The following NCAM2 variants were observed in gnomAD, a reference collection of about 807,000 sequenced individuals.
The protein encoded by NCAM2 is neural cell adhesion molecule 2.
A neutral mutation model predicts 98.1 loss-of-function variants in NCAM2; 30 were observed. The ratio of observed to expected loss-of-function variants is 0.31; its 90% CI spans 0.23 to 0.41. The LOEUF is 0.41. Ranked by LOEUF, NCAM2 falls within the 10% of genes least tolerant of loss-of-function variation. NCAM2 has a pLI of 1.00. For synonymous variants in NCAM2, 368 were observed against 342.4 expected (o/e 1.07, Z -0.83); for missense variants, 867 against 1,005.8 (o/e 0.86, Z 1.87).
intron 1 of NCAM2, among the ~76,000 whole-genome samples, chr21:21,183,238 G>T (rs1396191230): frequency 1.3e-5 from 2 of 152,064 alleles, no homozygotes; most frequent in Non-Finnish European, 2.9e-5. Context: ...GGACAACAAG[G>T]TTAAAAAATT....
intron 12 of NCAM2, among the ~76,000 whole-genome samples, chr21:21,462,225 T>A (rs549044972): frequency 6.6e-6 from 1 of 152,144 alleles, no homozygotes; most frequent in South Asian, 2.1e-4. Flanking sequence ...TATGAACAGT[T>A]CCATTGGGGT....
chr21:21,059,891 C>G (rs188632912), intron 1 of NCAM2, among the ~76,000 whole-genome samples: 1 of 152,006 alleles, frequency 6.6e-6, no homozygotes, highest in Non-Finnish European at 1.5e-5. Flanking sequence ...TTAATAGTGT[C>G]CAGACAGAGA....
intron 16 of NCAM2, among the ~76,000 whole-genome samples, chr21:21,523,866 CA>C (rs1258720145): frequency 4.0e-5 from 6 of 151,366 alleles, no homozygotes; most frequent in African/African-American, 1.5e-4. Context: ...TAGTGAAAGA[CA>C]AAAACTGAAA....
intron 6 of NCAM2, among the ~76,000 whole-genome samples, chr21:21,334,943 C>A (rs1434753525): frequency 6.6e-6 from 1 of 151,976 alleles, no homozygotes; most frequent in Non-Finnish European, 1.5e-5. Context: ...ATAAAATTAT[C>A]ACATTCAAAA....
chr21:21,216,568 C>G (rs1042166988), intron 1 of NCAM2, among the ~76,000 whole-genome samples: 1 of 152,174 alleles, frequency 6.6e-6, no homozygotes, highest in Non-Finnish European at 1.5e-5. Flanking sequence ...ACAGCTTGCC[C>G]CAGTAGCATT....
chr21:21,503,281 G>A (rs545793762), intron 15 of NCAM2, among the ~76,000 whole-genome samples: 1 of 151,758 alleles, frequency 6.6e-6, no homozygotes, highest in South Asian at 2.1e-4. Flanking sequence ...TATTAAAATA[G>A]AACAATTACA....
chr21:21,076,239 T>C (rs2065680053), intron 1 of NCAM2, among the ~76,000 whole-genome samples: 1 of 152,182 alleles, frequency 6.6e-6, no homozygotes, highest in Admixed American at 6.5e-5. Flanking sequence ...ATGGGATTTG[T>C]TTAAGCTGAC....
At chr21:21,146,928 C>T (rs189516984) in intron 1 of NCAM2, among the ~76,000 whole-genome samples, 2 of 134,466 alleles carry the variant, frequency 1.5e-5, no homozygotes, top group African/African-American at 5.8e-5. Flanking sequence ...GAACTCATAC[C>T]GCTGCCTTCT....
At chr21:21,255,098 T>C (rs2071619414) in intron 1 of NCAM2, among the ~76,000 whole-genome samples, 1 of 152,162 alleles carries the variant, frequency 6.6e-6, no homozygotes, top group Non-Finnish European at 1.5e-5. Flanking sequence ...ATTAACAATT[T>C]GGGAAGGGCA....
Position 21,284,243 on chromosome 21 carries a change from G to T in NCAM2, c.180G>T (p.Lys60Asn). ...SIDWYNPQGEKIISTQRVVVQ... is the reference protein window; with the variant it reads ...SIDWYNPQGENIISTQRVVVQ... Reference sequence around the variant, plus strand: ...ATTGGTATAATCCTCAAGGAGAGAAGATAATTTCAACACAGAGGGTAGTAG... The same window carrying T: ...ATTGGTATAATCCTCAAGGAGAGAATATAATTTCAACACAGAGGGTAGTAG... The change falls in exon 3 of 18, where the codon AAG becomes AAT. Residue 60 changes from lysine (K) to asparagine (N), a missense_variant. Lys to Asn is a moderately conservative substitution (Grantham distance 94). Around this residue, in one of 5 missense-constraint regions of NCAM2, gnomAD observed 447 missense variants for 495.7 expected, o/e 0.90. Coordinates refer to ENST00000400546, the MANE Select transcript of NCAM2 (RefSeq NM_004540.5). 1 of 1,612,722 alleles carries T rather than the reference G, an allele frequency of 6.2e-7. No individual in the cohort carries two copies. The highest frequency in any genetic ancestry group is 1.1e-5 in the South Asian group (1 of 91,054).
intron 15 of NCAM2, among the ~76,000 whole-genome samples, chr21:21,484,039 A>C (rs994009870): frequency 2.0e-5 from 3 of 152,242 alleles, no homozygotes; most frequent in African/African-American, 7.2e-5. Context: ...AGATCATATT[A>C]AAAGTAGCAC....
chr21:21,425,761 A>G (rs1020048134), intron 11 of NCAM2, among the ~76,000 whole-genome samples: 4 of 152,226 alleles, frequency 2.6e-5, no homozygotes, highest in Admixed American at 6.5e-5. Flanking sequence ...GGATTTGGCA[A>G]TTGGTAAAAA....
At chr21:21,047,519 A>C (rs1204271032) in intron 1 of NCAM2, among the ~76,000 whole-genome samples, 3 of 152,220 alleles carry the variant, frequency 2.0e-5, no homozygotes, top group Admixed American at 2.0e-4. Flanking sequence ...CAACTTGATG[A>C]GACTTAAGGA....
intron 5 of NCAM2, among the ~76,000 whole-genome samples, chr21:21,316,819 C>T (rs1010701318): frequency 1.3e-5 from 2 of 152,144 alleles, no homozygotes; most frequent in Non-Finnish European, 2.9e-5. Flanking sequence ...GCTGGGATTA[C>T]AGGCGTTAGC....
At chr21:21,466,757 T>C in intron 13 of NCAM2, 32 bp downstream of exon 13, 1 of 1,575,492 alleles carries the variant, frequency 6.3e-7, no homozygotes, top group Non-Finnish European at 8.6e-7. Flanking sequence ...TTATTCTCTT[T>C]TGTCATTTTC....
At chr21:21,059,133 T>G (rs1025715780) in intron 1 of NCAM2, among the ~76,000 whole-genome samples, 5 of 152,118 alleles carry the variant, frequency 3.3e-5, no homozygotes, top group Admixed American at 6.6e-5. Flanking sequence ...TCTTATATAA[T>G]TTATATATGC....
At chr21:21,238,584 ATATTTT>A (rs1011131240) in intron 1 of NCAM2, among the ~76,000 whole-genome samples, 2 of 149,778 alleles carry the variant, frequency 1.3e-5, no homozygotes, top group African/African-American at 4.9e-5. Flanking sequence ...ATTTAAAAAT[ATATTTT>A]TATTTTTAAT....
At chr21:21,447,492 A>G (rs1485847631) in intron 12 of NCAM2, among the ~76,000 whole-genome samples, 1 of 152,198 alleles carries the variant, frequency 6.6e-6, no homozygotes, top group Non-Finnish European at 1.5e-5. Flanking sequence ...AGGCATGGGC[A>G]AAAACTTCAT....
chr21:21,493,261 T>G lies in NCAM2; in HGVS notation c.2078-15590T>G, dbSNP rs534740364. 7.2e-5 allele frequency among the ~76,000 whole-genome samples: 11 copies of G among 152,062 alleles called. No homozygotes were observed. In the South Asian group the frequency reaches 1.9e-3, roughly 26 times the overall value. ...TTACTCCTCACTTAATATGTGGAGT[T>G]TTTTTATTTGTTAAAGGACAGAAAA... On this transcript the variant is annotated intron_variant, in intron 15 of 17. Transcript: ENST00000400546.
Sources: allele counts gnomAD v4.1 joint callset (sites outside exome capture counted in the v4.1 genomes callset), GRCh38; gene constraint gnomAD v4.1.1; regional missense constraint gnomAD v4.1.1; transcripts MANE v1.5; gene names NCBI Gene and HGNC (gene_info 2026-07-23, HGNC 2026-07-21).